Variants in ARHGEF3 observed in about 807,000 individuals in gnomAD.
The protein encoded by ARHGEF3 is 59.8 kDA protein.
A neutral mutation model predicts 63.2 loss-of-function variants in ARHGEF3; 28 were observed. That is an observed-to-expected ratio of 0.44 (90% CI 0.33 to 0.61). The LOEUF (loss-of-function observed/expected upper bound fraction) is 0.61. Ranked by LOEUF, ARHGEF3 falls within the 20% of genes least tolerant of loss-of-function variation. The pLI, the probability that ARHGEF3 is intolerant of heterozygous loss-of-function variation, is 0.03. For missense variants in ARHGEF3, 533 were observed against 659.3 expected (o/e 0.81, Z 2.10); for synonymous variants, 266 against 254.2 (o/e 1.05, Z -0.44).
At chr3:57,055,265 G>A (rs12630521) in intron 1 of ARHGEF3, among the ~76,000 whole-genome samples, 11,037 of 150,194 alleles carry the variant, frequency 0.073, 615 homozygotes, top group East Asian at 0.28. Context: ...AGGTTCAAGC[G>A]ATTCTCCTGC....
At chr3:56,741,496 CTTTTTTTTTTTT>C (rs71072191) in intron 7 of ARHGEF3, among the ~76,000 whole-genome samples, 28 of 50,536 alleles carry the variant, frequency 5.5e-4, no homozygotes, top group Admixed American at 2.6e-3. Flanking sequence ...TACATTGGTT[CTTTTTTTTTTTT>C]TTTTTTTTTT....
chr3:56,947,099 GC>G (rs944954635), intron 3 of ARHGEF3, among the ~76,000 whole-genome samples: 184 of 152,246 alleles, frequency 1.2e-3, no homozygotes, highest in African/African-American at 4.3e-3. Context: ...TCACCACCAG[GC>G]CTGCCCTAAA....
rs192648514 is a variant in ARHGEF3, at chr3:56,828,048, T to C, written c.193-54232A>G. Among the ~76,000 whole-genome samples, 603 of 146,534 alleles carry C rather than the reference T, an allele frequency of 4.1e-3. 4 individuals carry two copies. Among genetic ancestry groups the C allele is most frequent in the African/African-American group, 0.015 (577 of 39,712 alleles). ...GTGAAGTACACCAGGAAAAAAAAAA[T>C]TCAACATTGCTATAACAGTAAGATT... On this transcript the variant is annotated intron_variant, in intron 4 of 12. Transcript: ENST00000338458.
chr3:56,944,796 C>T (rs1392399395), intron 3 of ARHGEF3, among the ~76,000 whole-genome samples: 1 of 151,908 alleles, frequency 6.6e-6, no homozygotes, highest in African/African-American at 2.4e-5. Flanking sequence ...CCAGGTTGGC[C>T]TTGAACTCCT....
intron 4 of ARHGEF3, among the ~76,000 whole-genome samples, chr3:56,828,787 C>T (rs1186224381): frequency 6.6e-6 from 1 of 152,154 alleles, no homozygotes; most frequent in Non-Finnish European, 1.5e-5. Context: ...TGGGTTATGG[C>T]ACATCTTTAA....
chr3:56,958,559 T>G (rs974000282), intron 3 of ARHGEF3, among the ~76,000 whole-genome samples: 4 of 152,038 alleles, frequency 2.6e-5, no homozygotes, highest in African/African-American at 9.7e-5. Flanking sequence ...CTCAAACTCC[T>G]AGGCTCAAGC....
Position 57,033,415 on chromosome 3 carries a change from GTAA to G in ARHGEF3, c.62+1670_62+1672del, listed in dbSNP as rs1440109089. ...TGGATATACTATTCACTTGGCTGCA[GTAA>G]AAAAAAAAAAAAAATGTAGATTCAC... On this transcript the variant is annotated intron_variant, in intron 2 of 12. Transcript: ENST00000338458. Among the ~76,000 whole-genome samples the G allele has an allele frequency of 1.5e-3, 208 of 140,234 alleles. 1 individual carries two copies. Among genetic ancestry groups the G allele is most frequent in the Middle Eastern group, 0.011 (3 of 268 alleles). 92.0% of individuals were successfully genotyped at this position (140,234 alleles called of 152,430 possible).
chr3:56,924,653 G>C (rs1342925581), intron 3 of ARHGEF3, among the ~76,000 whole-genome samples: 3 of 152,210 alleles, frequency 2.0e-5, no homozygotes, highest in African/African-American at 7.2e-5. Context: ...CAAGGCGTTT[G>C]TAAACTGTCA....
intron 1 of ARHGEF3, among the ~76,000 whole-genome samples, chr3:56,798,273 G>A (rs1008943828): frequency 3.3e-5 from 5 of 152,182 alleles, no homozygotes; most frequent in Middle Eastern, 3.2e-3. Context: ...TTTTAAAACT[G>A]CTGAGAGTCA....
chr3:56,851,567 A>G lies in ARHGEF3; in HGVS notation c.192+30725T>C, dbSNP rs114841727. On this transcript the variant is annotated intron_variant, in intron 4 of 12. Transcript: ENST00000338458. ...CATGCCCAGCTAATTTTTGTATTTT[A>G]TGTAGAGAGGGGGTTTTACCATGTC... Among the ~76,000 whole-genome samples, 489 of 151,294 alleles carry G rather than the reference A, an allele frequency of 3.2e-3. 2 individuals carry two copies. The highest frequency in any genetic ancestry group is 0.011 in the African/African-American group (460 of 41,220).
At chr3:56,748,549 A>AT (rs71072193) in intron 6 of ARHGEF3, among the ~76,000 whole-genome samples, 2,072 of 136,692 alleles carry the variant, frequency 0.015, 31 homozygotes, top group African/African-American at 0.042. Context: ...GAAAAAATCT[A>AT]TTTTTTTTTT....
At chr3:56,983,934 C>CGA (rs1560107309) in intron 2 of ARHGEF3, among the ~76,000 whole-genome samples, 1 of 54,476 alleles carries the variant, frequency 1.8e-5, no homozygotes, top group African/African-American at 5.4e-5. Flanking sequence ...GACTCCGTCT[C>CGA]GAGAAAAAAA....
intron 4 of ARHGEF3, among the ~76,000 whole-genome samples, chr3:56,850,071 G>C (rs902386509): frequency 2.0e-5 from 3 of 151,794 alleles, no homozygotes; most frequent in Non-Finnish European, 4.4e-5. Context: ...CACACAGCCC[G>C]AGCCTTATCA....
chr3:56,864,873 G>A (rs1290356626), intron 4 of ARHGEF3, among the ~76,000 whole-genome samples: 3 of 152,052 alleles, frequency 2.0e-5, no homozygotes, highest in Non-Finnish European at 4.4e-5. Context: ...AAATTTCAAA[G>A]TTTACTCAGC....
At chr3:57,021,194 G>A (rs1299265838) in intron 2 of ARHGEF3, among the ~76,000 whole-genome samples, 4 of 152,142 alleles carry the variant, frequency 2.6e-5, no homozygotes, top group Non-Finnish European at 4.4e-5. Context: ...TCAACATTAG[G>A]AAATCTATCA....
intron 2 of ARHGEF3, chr3:56,958,936 C>G (rs1440398805): frequency 6.6e-7 from 1 of 1,506,002 alleles, no homozygotes; most frequent in African/African-American, 1.4e-5. Context: ...GTTGGATATT[C>G]AGAGGAAGTC....
Position 57,002,009 on chromosome 3 carries a change from C to T in ARHGEF3, c.62+33079G>A, listed in dbSNP as rs540812962. 1.4e-3 allele frequency among the ~76,000 whole-genome samples: 210 copies of T among 149,356 alleles called. 1 individual carries two copies. The highest frequency in any genetic ancestry group is 2.4e-3 in the Non-Finnish European group (163 of 67,576). On this transcript the variant is annotated intron_variant, in intron 2 of 12. Transcript: ENST00000338458. ...CGTGATCTCGGCTCACTGCAAGCTC[C>T]GCTTCCCGGGTTCACGCCATTCTCC...
chr3:56,949,032 T>C (rs1164944965), intron 3 of ARHGEF3, among the ~76,000 whole-genome samples: 1 of 151,998 alleles, frequency 6.6e-6, no homozygotes, highest in Non-Finnish European at 1.5e-5. Context: ...AAAAACCATA[T>C]GATTATCTCA....
At chr3:57,020,500 C>T (rs1028809505) in intron 2 of ARHGEF3, among the ~76,000 whole-genome samples, 3 of 152,194 alleles carry the variant, frequency 2.0e-5, no homozygotes, top group Non-Finnish European at 4.4e-5. Flanking sequence ...ATCCTCCACC[C>T]CCGAGTTCCA....
Sources: gnomAD v4.1 joint callset for allele counts (sites outside exome capture counted in the v4.1 genomes callset) on GRCh38, gnomAD v4.1.1 for gene constraint, MANE v1.5 for transcripts, NCBI Gene and HGNC (gene_info 2026-07-23, HGNC 2026-07-21) for gene names.